Variants in CHCHD6 observed in about 807,000 individuals in gnomAD.
CHCHD6 encodes coiled-coil-helix-coiled-coil-helix domain containing 6.
CHCHD6 carries 28 observed loss-of-function variants against 32.3 expected under a neutral mutation model. That is an observed-to-expected ratio of 0.87 (90% confidence interval 0.64 to 1.19). The LOEUF (loss-of-function observed/expected upper bound fraction) is 1.19. Ranked by LOEUF, CHCHD6 falls within the 50% of genes most tolerant of loss-of-function variation. The pLI, the probability that CHCHD6 is intolerant of heterozygous loss-of-function variation, is 0.00. For missense variants in CHCHD6, 333 were observed against 307.0 expected, an observed-to-expected ratio of 1.08 and a Z score of -0.63; for synonymous variants, 122 against 117.5, an observed-to-expected ratio of 1.04 and a Z score of -0.25.
intron 4 of CHCHD6, among the ~76,000 whole-genome samples, chr3:126,836,617 G>C (rs910840053): frequency 1.3e-5 from 2 of 152,210 alleles, no homozygotes; most frequent in Non-Finnish European, 1.5e-5. Flanking sequence ...TGGTACTGAA[G>C]ACAGTGCACA....
At chr3:126,831,941 G>A (rs1033304465) in intron 4 of CHCHD6, among the ~76,000 whole-genome samples, 11 of 152,128 alleles carry the variant, frequency 7.2e-5, no homozygotes, top group African/African-American at 2.7e-4. Context: ...CACTGTCTTG[G>A]GATCTTCCCT....
chr3:126,897,697 A>G (rs1032762252), intron 5 of CHCHD6, among the ~76,000 whole-genome samples: 1 of 152,238 alleles, frequency 6.6e-6, no homozygotes, highest in Non-Finnish European at 1.5e-5. Flanking sequence ...GATAGGATTT[A>G]ATGAGATCAC....
intron 6 of CHCHD6, among the ~76,000 whole-genome samples, chr3:126,927,933 CA>C (rs2078348541): frequency 1.3e-5 from 2 of 152,244 alleles, no homozygotes; most frequent in Admixed American, 1.3e-4. Flanking sequence ...TCATCACAGA[CA>C]GGGCCTTTCC....
At chr3:126,803,449 A>T (rs1317247335) in intron 4 of CHCHD6, among the ~76,000 whole-genome samples, 1 of 152,182 alleles carries the variant, frequency 6.6e-6, no homozygotes. Context: ...AAACCAACAA[A>T]GATCAAAAGA....
At chr3:126,864,458 AC>A (rs1353505735) in intron 5 of CHCHD6, among the ~76,000 whole-genome samples, 1 of 132,256 alleles carries the variant, frequency 7.6e-6, no homozygotes, top group East Asian at 2.3e-4. Context: ...CACTGCCACC[AC>A]CACCTCCTCC....
intron 6 of CHCHD6, chr3:126,935,265 G>A: frequency 1.9e-6 from 1 of 527,512 alleles, no homozygotes; most frequent in Non-Finnish European, 2.4e-6. Flanking sequence ...CCTTTTGAGA[G>A]CCTCCCTCCC....
chr3:126,864,498 C>G (rs921972317), intron 5 of CHCHD6, among the ~76,000 whole-genome samples: 15 of 150,224 alleles, frequency 1.0e-4, no homozygotes, highest in Non-Finnish European at 1.9e-4. Flanking sequence ...TGCACCATCA[C>G]CACCATCACC....
intron 5 of CHCHD6, among the ~76,000 whole-genome samples, chr3:126,900,087 T>G (rs534138147): frequency 1.8e-3 from 279 of 152,344 alleles, no homozygotes; most frequent in Non-Finnish European, 3.6e-3. Flanking sequence ...GAAAAAGTAT[T>G]GGGCTTTTTT....
chr3:126,898,067 C>A (rs2077866113), intron 5 of CHCHD6, among the ~76,000 whole-genome samples: 1 of 152,212 alleles, frequency 6.6e-6, no homozygotes, highest in African/African-American at 2.4e-5. Flanking sequence ...TGGCAGTGGC[C>A]TTCTCCATTA....
intron 1 of CHCHD6, among the ~76,000 whole-genome samples, chr3:126,708,466 G>T (rs1217283231): frequency 1.3e-5 from 2 of 152,096 alleles, no homozygotes; most frequent in East Asian, 1.9e-4. Context: ...CAGTTCTCTG[G>T]TCAGGAGCAG....
intron 6 of CHCHD6, among the ~76,000 whole-genome samples, chr3:126,934,536 C>CCTTTT (rs1491268081): frequency 5.3e-4 from 31 of 58,226 alleles, no homozygotes; most frequent in African/African-American, 2.1e-3. Flanking sequence ...CCCCTCTCTG[C>CCTTTT]TTTTTTTTTT....
At chr3:126,757,516 A>T (rs1356574932) in intron 4 of CHCHD6, among the ~76,000 whole-genome samples, 1 of 152,192 alleles carries the variant, frequency 6.6e-6, no homozygotes, top group African/African-American at 2.4e-5. Context: ...AGAGAAAGTG[A>T]ACACAGACTT....
intron 4 of CHCHD6, among the ~76,000 whole-genome samples, chr3:126,828,941 A>AT (rs1049409716): frequency 6.6e-6 from 1 of 151,468 alleles, no homozygotes; most frequent in African/African-American, 2.4e-5. Flanking sequence ...TTTTGACTTT[A>AT]TTTTTTTCCT....
chr3:126,863,518 T>A (rs1419175440), intron 5 of CHCHD6, among the ~76,000 whole-genome samples: 4 of 125,748 alleles, frequency 3.2e-5, no homozygotes, highest in African/African-American at 9.4e-5. Context: ...CACCTCCTCC[T>A]CCACCATCAC....
At chr3:126,853,254 T>TA (rs60860773) in intron 5 of CHCHD6, among the ~76,000 whole-genome samples, 2,448 of 132,928 alleles carry the variant, frequency 0.018, 40 homozygotes, top group African/African-American at 0.05. Flanking sequence ...ATCATGCCTT[T>TA]AAAAAAAAAA....
rs992176285 is a variant in CHCHD6, at chr3:126,768,377, C to T, written c.411+35155C>T. On this transcript the variant is annotated intron_variant, in intron 4 of 7. Transcript: ENST00000290913. ...CTCTGCAGAAGCAGAAGCCACTATG[C>T]TTCCTGTACAGCCATGCACAGGAAG... 7.5e-4 allele frequency among the ~76,000 whole-genome samples: 114 copies of T among 152,324 alleles called. 1 individual carries two copies. Among genetic ancestry groups the T allele is most frequent in the African/African-American group, 2.5e-3 (105 of 41,578 alleles).
Position 126,858,516 on chromosome 3 carries a change from C to G in CHCHD6, c.495+5786C>G, listed in dbSNP as rs572671367. On this transcript the variant is annotated intron_variant, in intron 5 of 7. Coordinates refer to ENST00000290913, the MANE Select transcript of CHCHD6 (RefSeq NM_032343.3). ...CGCTGCCAGGCACCCTCCTCGCTGG[C>G]CTGCAGCGCTCTGCTCAGGATCTGC... is the stretch of plus-strand genomic sequence containing the variant. 5.3e-5 allele frequency among the ~76,000 whole-genome samples: 8 copies of G among 152,292 alleles called. No homozygotes were observed. In the East Asian group the frequency reaches 1.5e-3, roughly 29 times the overall value.
intron 6 of CHCHD6, among the ~76,000 whole-genome samples, chr3:126,935,665 A>G (rs1423233886): frequency 2.0e-5 from 3 of 152,254 alleles, no homozygotes; most frequent in Non-Finnish European, 4.4e-5. Flanking sequence ...ATATAAAGGG[A>G]AAAATAGTGT....
intron 5 of CHCHD6, among the ~76,000 whole-genome samples, chr3:126,878,589 A>T (rs1326952652): frequency 6.6e-6 from 1 of 152,232 alleles, no homozygotes; most frequent in Non-Finnish European, 1.5e-5. Context: ...TATGGAAAGT[A>T]AGGAAAGGAA....
Sources: allele counts gnomAD v4.1 joint callset (sites outside exome capture counted in the v4.1 genomes callset), GRCh38; gene constraint gnomAD v4.1.1; transcripts MANE v1.5; gene names NCBI Gene and HGNC (gene_info 2026-07-23, HGNC 2026-07-21).